FSTL4: variants seen among roughly 807,000 people sequenced by gnomAD.
The protein encoded by FSTL4 is follistatin like 4.
In FSTL4, 28 loss-of-function variants were observed where a neutral mutation model predicts 78.2. That is an observed-to-expected ratio of 0.36 (90% CI 0.27 to 0.49). FSTL4 has a LOEUF of 0.49. Among genes scored for constraint, FSTL4 ranks in the 20% least tolerant of loss-of-function variants. FSTL4 has a pLI of 0.98. For missense variants in FSTL4, 922 were observed against 1,084.9 expected (o/e 0.85, Z 2.11); for synonymous variants, 422 against 440.5 (o/e 0.96, Z 0.53).
chr5:133,224,790 C>T (rs1751271876), intron 10 of FSTL4, among the ~76,000 whole-genome samples: 1 of 152,194 alleles, frequency 6.6e-6, no homozygotes, highest in African/African-American at 2.4e-5. Context: ...CATGTGTGCA[C>T]AGGTCAGGTT....
At chr5:133,788,073 C>T in the FSTL4 span, among the ~76,000 whole-genome samples, 2 of 152,172 alleles carry the variant, frequency 1.3e-5, no homozygotes, top group Non-Finnish European at 2.9e-5. Flanking sequence ...CGGAGGAGAT[C>T]CAGGGACAAC....
chr5:133,790,827 C>T, the FSTL4 span, among the ~76,000 whole-genome samples: 6 of 152,224 alleles, frequency 3.9e-5, no homozygotes, highest in African/African-American at 1.4e-4. Flanking sequence ...TTACCACCTC[C>T]ACGGCATTCG....
chr5:133,417,455 G>C (rs745760360), intron 3 of FSTL4, among the ~76,000 whole-genome samples: 13 of 152,138 alleles, frequency 8.5e-5, no homozygotes, highest in Non-Finnish European at 1.5e-4. Flanking sequence ...GAATAGGGCA[G>C]AAGGAATATT....
chr5:133,216,850 T>A (rs1484925258), intron 13 of FSTL4, among the ~76,000 whole-genome samples: 1 of 152,226 alleles, frequency 6.6e-6, no homozygotes, highest in African/African-American at 2.4e-5. Flanking sequence ...CTACCCTTCA[T>A]CACTGTGCCT....
chr5:133,296,515 C>A (rs940190977), intron 6 of FSTL4, among the ~76,000 whole-genome samples: 1 of 152,180 alleles, frequency 6.6e-6, no homozygotes, highest in South Asian at 2.1e-4. Context: ...CTGCCCCCAG[C>A]TTCCCATACC....
chr5:133,570,013 T>C, intron 2 of FSTL4, among the ~76,000 whole-genome samples: 1 of 151,808 alleles, frequency 6.6e-6, no homozygotes, highest in South Asian at 2.1e-4. Context: ...ATTGAGACCA[T>C]CCTGGCTAAC....
intron 13 of FSTL4, among the ~76,000 whole-genome samples, chr5:133,211,728 G>A (rs61349138): frequency 0.073 from 11,025 of 151,986 alleles, 1,293 homozygotes; most frequent in African/African-American, 0.25. Flanking sequence ...GTGGCCTCCC[G>A]CCTCCCTGGC....
intron 3 of FSTL4, among the ~76,000 whole-genome samples, chr5:133,483,304 A>G (rs1043533416): frequency 6.6e-6 from 1 of 152,230 alleles, no homozygotes; most frequent in African/African-American, 2.4e-5. Flanking sequence ...CATAGCAATA[A>G]GAAAATGAAC....
intron 3 of FSTL4, among the ~76,000 whole-genome samples, chr5:133,490,812 T>C (rs1758251671): frequency 1.3e-5 from 2 of 152,218 alleles, no homozygotes; most frequent in African/African-American, 4.8e-5. Flanking sequence ...GTATTGTGCA[T>C]GCAAAGAATG....
chr5:133,805,475 C>T, the FSTL4 span, among the ~76,000 whole-genome samples: 4 of 152,176 alleles, frequency 2.6e-5, no homozygotes, highest in Admixed American at 6.5e-5. Context: ...AAGAAATGTG[C>T]AGAAATGTGA....
chr5:133,829,638 C>T, the FSTL4 span, among the ~76,000 whole-genome samples: 2 of 152,184 alleles, frequency 1.3e-5, no homozygotes, highest in Non-Finnish European at 2.9e-5. Context: ...GGTTTTGCTG[C>T]CCCTGCTGCT....
At chr5:133,620,671 A>C in the FSTL4 span, among the ~76,000 whole-genome samples, 1 of 152,224 alleles carries the variant, frequency 6.6e-6, no homozygotes, top group African/African-American at 2.4e-5. Context: ...GTGATGTTCA[A>C]CCAAGAGATA....
At chr5:133,639,498 G>A in the FSTL4 span, among the ~76,000 whole-genome samples, 1 of 152,186 alleles carries the variant, frequency 6.6e-6, no homozygotes, top group Non-Finnish European at 1.5e-5. Context: ...GAAAGCCTTT[G>A]CTCCTTCCCT....
the FSTL4 span, among the ~76,000 whole-genome samples, chr5:133,767,292 G>T: frequency 6.6e-6 from 1 of 152,148 alleles, no homozygotes; most frequent in Non-Finnish European, 1.5e-5. Context: ...GGGGGGCATC[G>T]ATTCTAGCCT....
At chr5:133,740,949 A>C in the FSTL4 span, among the ~76,000 whole-genome samples, 1 of 151,640 alleles carries the variant, frequency 6.6e-6, no homozygotes, top group Non-Finnish European at 1.5e-5. Flanking sequence ...GGATGGATGG[A>C]TGGATGGATG....
the FSTL4 span, among the ~76,000 whole-genome samples, chr5:133,669,727 A>G: frequency 3.9e-5 from 6 of 152,208 alleles, no homozygotes; most frequent in Admixed American, 3.9e-4. Context: ...GGTGGAGTCA[A>G]TAATTCTGAG....
At chr5:133,207,541 C>G (rs953635975) in intron 14 of FSTL4, among the ~76,000 whole-genome samples, 6 of 152,260 alleles carry the variant, frequency 3.9e-5, no homozygotes, top group African/African-American at 1.4e-4. Flanking sequence ...CACTTCTCAA[C>G]TACCAATTTC....
intron 3 of FSTL4, among the ~76,000 whole-genome samples, chr5:133,402,779 A>C (rs1369772012): frequency 6.6e-6 from 1 of 152,190 alleles, no homozygotes; most frequent in Non-Finnish European, 1.5e-5. Flanking sequence ...AATAAACTAG[A>C]AGGTCAAATA....
chr5:133,522,755 T>C (rs533472622), intron 3 of FSTL4, among the ~76,000 whole-genome samples: 1 of 152,346 alleles, frequency 6.6e-6, no homozygotes, highest in Admixed American at 6.5e-5. Flanking sequence ...CCAGCATTCA[T>C]TCTAAAAGCC....
Sources: gnomAD v4.1 joint callset for allele counts (sites outside exome capture counted in the v4.1 genomes callset) on GRCh38, gnomAD v4.1.1 for gene constraint, MANE v1.5 for transcripts, NCBI Gene and HGNC (gene_info 2026-07-23, HGNC 2026-07-21) for gene names.